Variants in PCDH15 observed in about 807,000 individuals in gnomAD.
PCDH15 encodes the protein protocadherin-15.
PCDH15 carries 129 observed loss-of-function variants against 178.5 expected under a neutral mutation model. The observed-to-expected ratio is 0.72, with a 90% CI of 0.63 to 0.84. The LOEUF (loss-of-function observed/expected upper bound fraction) is 0.84. Among genes scored for constraint, PCDH15 ranks in the 40% least tolerant of loss-of-function variants. The pLI, the probability that PCDH15 is intolerant of heterozygous loss-of-function variation, is 0.00. For synonymous variants in PCDH15, 800 were observed against 732.0 expected, an observed-to-expected ratio of 1.09 and a Z score of -1.50; for missense variants, 2,230 against 2,099.9, an observed-to-expected ratio of 1.06 and a Z score of -1.21.
intron 9 of PCDH15, among the ~76,000 whole-genome samples, chr10:54,224,809 C>A (rs2053254491): frequency 6.6e-6 from 1 of 152,094 alleles, no homozygotes; most frequent in Admixed American, 6.5e-5. Flanking sequence ...TTAGTGCATT[C>A]TTTGATAATT....
At chr10:54,659,246 C>T (rs1738630031) in intron 2 of PCDH15, among the ~76,000 whole-genome samples, 1 of 152,158 alleles carries the variant, frequency 6.6e-6, no homozygotes, top group Non-Finnish European at 1.5e-5. Flanking sequence ...AACAAAGTAA[C>T]TCCAGACTTA....
intron 2 of PCDH15, among the ~76,000 whole-genome samples, chr10:54,994,975 A>T (rs1437227213): frequency 6.6e-6 from 1 of 152,196 alleles, no homozygotes; most frequent in Non-Finnish European, 1.5e-5. Flanking sequence ...GAGATCTAAG[A>T]AAACCTAAGG....
At chr10:54,385,159 C>T (rs1023350204) in intron 3 of PCDH15, among the ~76,000 whole-genome samples, 1 of 151,960 alleles carries the variant, frequency 6.6e-6, no homozygotes, top group African/African-American at 2.4e-5. Flanking sequence ...CCTTTTATTC[C>T]ATAGATAAAT....
chr10:54,790,434 T>C (rs950069566), intron 1 of PCDH15, among the ~76,000 whole-genome samples: 2 of 151,844 alleles, frequency 1.3e-5, no homozygotes, highest in African/African-American at 4.8e-5. Context: ...AACTTCCCAA[T>C]AGTTAAACTT....
At chr10:55,199,037 T>A (rs980624988) in intron 1 of PCDH15, among the ~76,000 whole-genome samples, 1 of 151,974 alleles carries the variant, frequency 6.6e-6, no homozygotes, top group African/African-American at 2.4e-5. Context: ...GTACTAGGAG[T>A]GGGGCATTGC....
intron 9 of PCDH15, among the ~76,000 whole-genome samples, chr10:54,226,336 A>T (rs1381074341): frequency 1.3e-5 from 2 of 152,136 alleles, no homozygotes; most frequent in African/African-American, 4.8e-5. Context: ...TGAGAACAGC[A>T]ACGGAAAGAC....
intron 6 of PCDH15, 105 bp from the exon 7 acceptor site, chr10:54,329,811 T>A (rs1346411710): frequency 1.3e-6 from 1 of 785,054 alleles, no homozygotes; most frequent in Middle Eastern, 3.3e-4. Flanking sequence ...GACATGCTTA[T>A]CATCTGAAAA....
intron 8 of PCDH15, among the ~76,000 whole-genome samples, chr10:54,284,805 T>C (rs2058932471): frequency 6.6e-6 from 1 of 152,162 alleles, no homozygotes; most frequent in Non-Finnish European, 1.5e-5. Flanking sequence ...AAGACCCTTT[T>C]GCCTTGAAAG....
At chr10:55,299,702 G>C (rs949854945) in intron 1 of PCDH15, among the ~76,000 whole-genome samples, 6 of 152,270 alleles carry the variant, frequency 3.9e-5, no homozygotes, top group South Asian at 2.1e-4. Context: ...TGATCCAAAT[G>C]CTAATACTCA....
At chr10:54,120,434 T>C (rs748251197) in intron 15 of PCDH15, among the ~76,000 whole-genome samples, 8 of 152,062 alleles carry the variant, frequency 5.3e-5, no homozygotes, top group Non-Finnish European at 1.0e-4. Context: ...GGTACATAAA[T>C]GGCCTAAATG....
chr10:54,431,044 T>A (rs776449085), intron 3 of PCDH15, among the ~76,000 whole-genome samples: 1 of 151,962 alleles, frequency 6.6e-6, no homozygotes, highest in Non-Finnish European at 1.5e-5. Context: ...ACATACAAGC[T>A]ACCAGAATAG....
intron 2 of PCDH15, among the ~76,000 whole-genome samples, chr10:55,623,203 T>C (rs1837443292): frequency 1.3e-5 from 2 of 152,180 alleles, no homozygotes; most frequent in South Asian, 2.1e-4. Context: ...AGACTTTGAA[T>C]AGGCTCTGGC....
intron 1 of PCDH15, among the ~76,000 whole-genome samples, chr10:55,300,795 T>TA (rs1438439390): frequency 6.6e-5 from 10 of 152,146 alleles, no homozygotes; most frequent in Admixed American, 3.3e-4. Flanking sequence ...AATGTCAATT[T>TA]AAAAAATAAT....
chr10:54,419,939 A>G (rs1955007632), intron 3 of PCDH15, among the ~76,000 whole-genome samples: 1 of 152,096 alleles, frequency 6.6e-6, no homozygotes, highest in Admixed American at 6.6e-5. Context: ...TATGTTTAGG[A>G]GCTTCAAAGA....
At chr10:54,456,120 G>A (rs902805721) in intron 3 of PCDH15, among the ~76,000 whole-genome samples, 1 of 152,072 alleles carries the variant, frequency 6.6e-6, no homozygotes, top group African/African-American at 2.4e-5. Flanking sequence ...GCCCCACACA[G>A]CACTGTCTAG....
intron 2 of PCDH15, among the ~76,000 whole-genome samples, chr10:55,040,483 AC>A (rs1246549795): frequency 7.2e-6 from 1 of 139,554 alleles, no homozygotes; most frequent in Non-Finnish European, 1.6e-5. Context: ...TCAAAAAAAA[AC>A]CAAAACAACT....
chr10:54,549,888 CT>C (rs2133154045), intron 2 of PCDH15, among the ~76,000 whole-genome samples: 1 of 152,092 alleles, frequency 6.6e-6, no homozygotes, highest in African/African-American at 2.4e-5. Flanking sequence ...GCTACATCTT[CT>C]TAGTAAATTG....
chr10:53,983,630 A>G (rs1461015211), intron 21 of PCDH15, among the ~76,000 whole-genome samples: 1 of 152,204 alleles, frequency 6.6e-6, no homozygotes, highest in African/African-American at 2.4e-5. Flanking sequence ...GTTTTGGGAA[A>G]TGTGCTTTTC....
Position 54,674,960 on chromosome 10 carries a change from T to C in PCDH15, c.-28-10670A>G, listed in dbSNP as rs558887632. On this transcript the variant is annotated intron_variant, in intron 1 of 37. Coordinates refer to ENST00000644397, the MANE Select transcript of PCDH15 (RefSeq NM_001384140.1). ...TAAGTTGTCTTACTCACAAAGACTATGCTTCACGAATAATACACTAAGAAC... is the reference window on the plus strand; with the variant it reads ...TAAGTTGTCTTACTCACAAAGACTACGCTTCACGAATAATACACTAAGAAC... Among the ~76,000 whole-genome samples the C allele has an allele frequency of 2.6e-5, 4 of 152,216 alleles. No homozygotes were observed. The East Asian group carries it at 7.7e-4, about 29-fold the overall frequency.
Sources: allele counts gnomAD v4.1 joint callset (sites outside exome capture counted in the v4.1 genomes callset), GRCh38; gene constraint gnomAD v4.1.1; transcripts MANE v1.5; gene names NCBI Gene and HGNC (gene_info 2026-07-23, HGNC 2026-07-21).